RANBP17: variants seen among roughly 807,000 people sequenced by gnomAD.
The protein encoded by RANBP17 is RAN binding protein 17.
Under a neutral mutation model 141.2 loss-of-function variants are expected in RANBP17, and 158 were observed. The observed-to-expected ratio is 1.12, with a 90% CI of 0.98 to 1.28. The LOEUF is 1.28. RANBP17 is among the 50% of genes most tolerant of loss of function. The pLI is 0.00. For missense variants in RANBP17, 1,438 were observed against 1,290.7 expected (o/e 1.11, Z -1.75); for synonymous variants, 430 against 450.0 (o/e 0.96, Z 0.56).
Position 170,919,000 on chromosome 5 carries a change from A to T in RANBP17, c.1101+141A>T, listed in dbSNP as rs1016695700. On this transcript the variant is annotated intron_variant, in intron 10 of 27. Transcript: ENST00000523189. ...GTTCATTACAGGGTTTTAGGTAAAAAAATTCATTGAAATGTATATAATAAA... is the reference window on the plus strand; with the variant it reads ...GTTCATTACAGGGTTTTAGGTAAAATAATTCATTGAAATGTATATAATAAA... 8.9e-4 allele frequency: 379 copies of T among 427,666 alleles called. 6 individuals are homozygous for T. The highest frequency in any genetic ancestry group is 8.5e-4 in the Non-Finnish European group (215 of 252,890). 26.5% of individuals were successfully genotyped at this position (427,666 alleles called of 1,614,324 possible).
At chr5:171,237,609 C>CT (rs1284042634) in intron 22 of RANBP17, among the ~76,000 whole-genome samples, 2 of 152,226 alleles carry the variant, frequency 1.3e-5, no homozygotes, top group African/African-American at 4.8e-5. Flanking sequence ...AGAGTTTTTC[C>CT]TTTTAGTTCT....
At chr5:170,973,921 C>T (rs1308907136) in intron 14 of RANBP17, among the ~76,000 whole-genome samples, 1 of 152,160 alleles carries the variant, frequency 6.6e-6, no homozygotes, top group Non-Finnish European at 1.5e-5. Flanking sequence ...CCCTCATGAC[C>T]TAATTGTCTC....
chr5:171,277,637 G>GTGTGTGTATATATATATATATATATATA (rs1437482589), intron 25 of RANBP17, among the ~76,000 whole-genome samples: 1 of 56,902 alleles, frequency 1.8e-5, no homozygotes, highest in South Asian at 6.5e-4. Context: ...ATATATGTAT[G>GTGTGTGTATATATATATATATATATATA]TATATATATA....
chr5:171,157,359 C>T (rs370299795), intron 14 of RANBP17, among the ~76,000 whole-genome samples: 8 of 152,286 alleles, frequency 5.3e-5, no homozygotes, highest in African/African-American at 1.9e-4. Flanking sequence ...AAGATTATGT[C>T]AGTTGACTCA....
intron 25 of RANBP17, among the ~76,000 whole-genome samples, chr5:171,270,083 A>C (rs991142856): frequency 2.0e-5 from 3 of 152,202 alleles, no homozygotes; most frequent in Non-Finnish European, 4.4e-5. Flanking sequence ...AGGAAGCATG[A>C]ACCCCCACAT....
Position 171,265,752 on chromosome 5 carries a change from A to G in RANBP17, c.2848A>G (p.Lys950Glu), listed in dbSNP as rs376364975. 7 of 1,614,106 alleles carry G rather than the reference A, an allele frequency of 4.3e-6. No homozygotes were observed. The Middle Eastern group carries it at 6.6e-4, about 152-fold the overall frequency. ...IVTYLFKHIA[K>E]EGKKPLRCRE... Reference sequence around the variant, plus strand: ...CACCTACCTCTTCAAGCACATAGCAAAAGAGGGCAAGAAGCCACTTCGATG... The same window carrying G: ...CACCTACCTCTTCAAGCACATAGCAGAAGAGGGCAAGAAGCCACTTCGATG... The change falls in exon 25 of 28, where the codon AAA becomes GAA. Residue 950 changes from lysine to glutamate, a missense_variant. By Grantham distance (56) the Lys-to-Glu change is moderately conservative. Coordinates refer to ENST00000523189, the MANE Select transcript of RANBP17 (RefSeq NM_022897.5).
At chr5:170,863,705 T>G (rs911026298) in intron 1 of RANBP17, 1 of 152,176 alleles carries the variant, frequency 6.6e-6, no homozygotes, top group Non-Finnish European at 1.5e-5. Context: ...AACTTTGGAA[T>G]TTTTTCATAC....
At chr5:171,017,694 T>C (rs909444262) in intron 14 of RANBP17, among the ~76,000 whole-genome samples, 1 of 152,194 alleles carries the variant, frequency 6.6e-6, no homozygotes, top group East Asian at 1.9e-4. Flanking sequence ...TTTTCTCCCA[T>C]CTATAGGTTG....
intron 18 of RANBP17, among the ~76,000 whole-genome samples, chr5:171,191,426 C>T (rs1365637881): frequency 5.9e-5 from 9 of 152,220 alleles, no homozygotes; most frequent in East Asian, 3.9e-4. Flanking sequence ...CAGTGGCTCA[C>T]GCCTGTAATC....
chr5:171,028,072 C>G (rs1034872227), intron 14 of RANBP17, among the ~76,000 whole-genome samples: 2 of 151,708 alleles, frequency 1.3e-5, no homozygotes, highest in African/African-American at 2.4e-5. Context: ...TCCAGGCTTT[C>G]CCATGAAGGA....
chr5:171,288,217 G>A (rs1768284408), intron 25 of RANBP17, among the ~76,000 whole-genome samples: 2 of 152,160 alleles, frequency 1.3e-5, no homozygotes, highest in South Asian at 2.1e-4. Flanking sequence ...GTGGGAGGCA[G>A]GAAGGTCTGC....
chr5:170,905,372 G>T (rs1321216065), intron 5 of RANBP17, among the ~76,000 whole-genome samples: 1 of 152,102 alleles, frequency 6.6e-6, no homozygotes, highest in African/African-American at 2.4e-5. Flanking sequence ...ACATATAGAT[G>T]TATATATGTA....
chr5:171,030,869 G>C (rs562194199), intron 14 of RANBP17, among the ~76,000 whole-genome samples: 1 of 152,012 alleles, frequency 6.6e-6, no homozygotes, highest in African/African-American at 2.4e-5. Flanking sequence ...AAGGATGCTT[G>C]ATGGTTGTAT....
rs189538842 is a variant in RANBP17 at position 171,075,812 on chromosome 5, G to A, written c.1711-94318G>A. Among the ~76,000 whole-genome samples, 685 of 152,190 alleles carry A rather than the reference G, an allele frequency of 4.5e-3. 5 individuals carry two copies. The highest frequency in any genetic ancestry group is 0.016 in the African/African-American group (657 of 41,530). On this transcript the variant is annotated intron_variant, in intron 14 of 27. Coordinates refer to ENST00000523189, the MANE Select transcript of RANBP17 (RefSeq NM_022897.5). ...TGCTAAAAATACAAAAATTAGCTGG[G>A]CATGGTGACACACACCTGTAATCCC...
At chr5:170,893,493 G>A (rs1474085602) in intron 4 of RANBP17, among the ~76,000 whole-genome samples, 1 of 152,070 alleles carries the variant, frequency 6.6e-6, no homozygotes, top group Admixed American at 6.6e-5. Context: ...CTGATGTCCA[G>A]CTAAAGAAAC....
At chr5:170,946,117 A>ATATTAAATGTAT (rs1561918198) in intron 12 of RANBP17, among the ~76,000 whole-genome samples, 1 of 152,118 alleles carries the variant, frequency 6.6e-6, no homozygotes, top group African/African-American at 2.4e-5. Context: ...TGCACTTTTA[A>ATATTAAATGTAT]ATAGGGACTT....
intron 14 of RANBP17, among the ~76,000 whole-genome samples, chr5:171,071,150 C>A (rs1340225151): frequency 6.6e-6 from 1 of 152,058 alleles, no homozygotes; most frequent in Non-Finnish European, 1.5e-5. Flanking sequence ...TTCTGTGTAA[C>A]CTCGCCATTT....
intron 22 of RANBP17, among the ~76,000 whole-genome samples, chr5:171,236,135 T>G (rs969804901): frequency 6.6e-6 from 1 of 152,192 alleles, no homozygotes; most frequent in South Asian, 2.1e-4. Context: ...TTGAGTGGCC[T>G]GAAGTAAAGG....
chr5:170,978,544 T>C (rs1248611235), intron 14 of RANBP17, among the ~76,000 whole-genome samples: 1 of 152,042 alleles, frequency 6.6e-6, no homozygotes, highest in South Asian at 2.1e-4. Flanking sequence ...CATGCAAAAA[T>C]TTGGATGAAT....
Sources: allele counts gnomAD v4.1 joint callset (sites outside exome capture counted in the v4.1 genomes callset), GRCh38; gene constraint gnomAD v4.1.1; transcripts MANE v1.5; gene names NCBI Gene and HGNC (gene_info 2026-07-23, HGNC 2026-07-21).